Variants in PCDHA4 observed in about 807,000 individuals in gnomAD.
PCDHA4 encodes protocadherin alpha 4.
Under a neutral mutation model 61.4 loss-of-function variants are expected in PCDHA4, and 49 were observed. That is an observed-to-expected ratio of 0.80 (90% confidence interval 0.63 to 1.01). The LOEUF (loss-of-function observed/expected upper bound fraction) is 1.01, where lower values mean the gene tolerates loss of function less well. Ranked by LOEUF, PCDHA4 falls within the 50% of genes least tolerant of loss-of-function variation. The pLI, the probability that PCDHA4 is intolerant of heterozygous loss-of-function variation, is 0.00. For synonymous variants in PCDHA4, 590 were observed against 550.3 expected (o/e 1.07, Z -1.01); for missense variants, 1,254 against 1,235.8 (o/e 1.01, Z -0.22).
At chr5:140,883,133 G>C in intron 1 of PCDHA4, 1 of 1,614,112 alleles carries the variant, frequency 6.2e-7, no homozygotes, top group Non-Finnish European at 8.5e-7. Flanking sequence ...ATGGCCTGCA[G>C]TGGTATATGC....
Position 140,835,890 on chromosome 5 carries a change from G to C in PCDHA4, c.2385+26318G>C, listed in dbSNP as rs147416989. 5.6e-6 allele frequency: 9 copies of C among 1,611,850 alleles called. No individual in the cohort carries two copies. The Admixed American group carries it at 1.5e-4, about 27-fold the overall frequency. On this transcript the variant is annotated intron_variant, in intron 1 of 3. Transcript: ENST00000530339. The stretch of plus-strand genomic sequence containing the variant: ...GGTGGAGCTGCGGGTGGGCGAGCGC[G>C]CGCTGTCGAGCTACGTGTCAGTGCA...
chr5:140,916,563 G>A (rs2077621809), intron 1 of PCDHA4, among the ~76,000 whole-genome samples: 1 of 152,198 alleles, frequency 6.6e-6, no homozygotes, highest in African/African-American at 2.4e-5. Context: ...TGTCCAGGGT[G>A]TGTCTAGAAA....
intron 2 of PCDHA4, among the ~76,000 whole-genome samples, chr5:140,979,343 AATT>A (rs1482354475): frequency 8.6e-5 from 13 of 152,024 alleles, no homozygotes; most frequent in African/African-American, 3.1e-4. Flanking sequence ...TAAAAACTGT[AATT>A]AATACTCATG....
rs376867914 is a variant in PCDHA4 at position 140,880,239 on chromosome 5, TGC to T, written c.2385+70669_2385+70670del. Among the ~76,000 whole-genome samples the T allele has an allele frequency of 5.6e-3, 860 of 152,302 alleles. 5 individuals carry two copies. The highest frequency in any genetic ancestry group is 0.014 in the Middle Eastern group (4 of 294). On this transcript the variant is annotated intron_variant, in intron 1 of 3. Transcript: ENST00000530339. ...AGTAGAACATTTAAATTAGTGTATG[TGC>T]GTGTGTGTATGTATACATATTTTAG...
At chr5:140,851,027 C>T (rs782593711) in intron 1 of PCDHA4, 2 of 1,410,074 alleles carry the variant, frequency 1.4e-6, no homozygotes, top group South Asian at 1.8e-5. Context: ...TAAAGTAAAC[C>T]CCTTAACATT....
At chr5:140,822,042 C>A (rs148967528) in intron 1 of PCDHA4, 3 of 1,614,176 alleles carry the variant, frequency 1.9e-6, no homozygotes, top group Non-Finnish European at 2.5e-6. Context: ...ATTCTCGGAT[C>A]GACCGGGAGG....
chr5:140,832,598 C>A (rs868938084), intron 1 of PCDHA4, among the ~76,000 whole-genome samples: 1 of 152,252 alleles, frequency 6.6e-6, no homozygotes, highest in African/African-American at 2.4e-5. Flanking sequence ...AGAACTATAG[C>A]GTTGCTAGTG....
At chr5:140,946,210 G>C (rs140796631) in intron 1 of PCDHA4, among the ~76,000 whole-genome samples, 1 of 152,052 alleles carries the variant, frequency 6.6e-6, no homozygotes, top group African/African-American at 2.4e-5. Flanking sequence ...GCACACAAAT[G>C]ACCAACAGGT....
At chr5:140,834,917 C>A in intron 1 of PCDHA4, 2 of 1,590,474 alleles carry the variant, frequency 1.3e-6, no homozygotes, top group Non-Finnish European at 1.7e-6. Flanking sequence ...ATGAGTATTT[C>A]TTCCTGGACG....
chr5:140,934,337 A>G (rs1404340648), intron 1 of PCDHA4, among the ~76,000 whole-genome samples: 1 of 152,128 alleles, frequency 6.6e-6, no homozygotes, highest in African/African-American at 2.4e-5. Context: ...TGTAATAACC[A>G]CCAGTACAGT....
chr5:140,949,529 T>C (rs2094389085), intron 1 of PCDHA4, among the ~76,000 whole-genome samples: 1 of 151,910 alleles, frequency 6.6e-6, no homozygotes, highest in South Asian at 2.1e-4. Flanking sequence ...TTTATCTTCA[T>C]AAAATATCGA....
intron 1 of PCDHA4, among the ~76,000 whole-genome samples, chr5:140,970,958 C>T (rs1554232904): frequency 6.6e-6 from 1 of 152,106 alleles, no homozygotes; most frequent in Non-Finnish European, 1.5e-5. Context: ...CCATGGGAGG[C>T]AGATTGTAGA....
At chr5:140,885,267 C>T (rs1448375746) in intron 1 of PCDHA4, among the ~76,000 whole-genome samples, 1 of 151,978 alleles carries the variant, frequency 6.6e-6, no homozygotes, top group Non-Finnish European at 1.5e-5. Flanking sequence ...ATTACTCATA[C>T]ATATATATAT....
At chr5:140,810,971 G>C (rs1554125620) in intron 1 of PCDHA4, 4 of 151,944 alleles carry the variant, frequency 2.6e-5, no homozygotes, top group Admixed American at 2.6e-4. Flanking sequence ...TTTTATCATT[G>C]TTGTGAGGTA....
chr5:140,878,253 G>A lies in PCDHA4; in HGVS notation c.2385+68681G>A, dbSNP rs182369955. 2.6e-3 allele frequency among the ~76,000 whole-genome samples: 400 copies of A among 152,208 alleles called. 1 individual carries two copies. The highest frequency in any genetic ancestry group is 9.2e-3 in the African/African-American group (384 of 41,530). Reference sequence around the variant, plus strand: ...AATGGATTCTTTAACTCTTCCTCACGTGCTTAGGCTTTTAAAATAGCCTTC... The same window carrying A: ...AATGGATTCTTTAACTCTTCCTCACATGCTTAGGCTTTTAAAATAGCCTTC... On this transcript the variant is annotated intron_variant, in intron 1 of 3. Transcript: ENST00000530339.
intron 1 of PCDHA4, 40 bp from the exon 2 acceptor site, chr5:140,978,909 C>T: frequency 6.2e-7 from 1 of 1,613,660 alleles, no homozygotes; most frequent in South Asian, 1.1e-5. Context: ...AGAACATTGT[C>T]TTGTCATTTT....
At chr5:140,842,950 G>A (rs2150348605) in intron 1 of PCDHA4, 1 of 1,594,728 alleles carries the variant, frequency 6.3e-7, no homozygotes, top group East Asian at 2.2e-5. Context: ...CGGGCGTGCC[G>A]CCTCTGGGCA....
chr5:140,885,206 A>T (rs1304868227), intron 1 of PCDHA4, among the ~76,000 whole-genome samples: 1 of 152,038 alleles, frequency 6.6e-6, no homozygotes, highest in Admixed American at 6.6e-5. Context: ...CATATATCCC[A>T]TGAAAAATAT....
At chr5:140,999,114 T>C (rs2097847387) in intron 3 of PCDHA4, among the ~76,000 whole-genome samples, 2 of 152,180 alleles carry the variant, frequency 1.3e-5, no homozygotes, top group Non-Finnish European at 2.9e-5. Context: ...CTAGCAACCA[T>C]TTCTAAGCTG....
Sources: allele counts gnomAD v4.1 joint callset (sites outside exome capture counted in the v4.1 genomes callset), GRCh38; gene constraint gnomAD v4.1.1; transcripts MANE v1.5; gene names NCBI Gene and HGNC (gene_info 2026-07-23, HGNC 2026-07-21).